Variants in SEMA3E observed in about 807,000 individuals in gnomAD.
SEMA3E encodes the protein semaphorin-3E.
In SEMA3E, 49 loss-of-function variants were observed where a neutral mutation model predicts 93.6. The observed-to-expected ratio is 0.52, with a 90% confidence interval of 0.42 to 0.66. SEMA3E has a LOEUF of 0.66. SEMA3E is among the 30% of genes least tolerant of loss of function. The pLI, the probability that SEMA3E is intolerant of heterozygous loss-of-function variation, is 0.00. For synonymous variants in SEMA3E, 363 were observed against 330.7 expected (o/e 1.10, Z -1.06); for missense variants, 906 against 964.8 (o/e 0.94, Z 0.81).
At chr7:83,618,779 T>G (rs1265804358) in intron 1 of SEMA3E, among the ~76,000 whole-genome samples, 3 of 151,882 alleles carry the variant, frequency 2.0e-5, no homozygotes, top group African/African-American at 7.2e-5. Context: ...ATAAATACAA[T>G]AAAATACAAT....
intron 1 of SEMA3E, among the ~76,000 whole-genome samples, chr7:83,550,610 A>G (rs1791746092): frequency 6.6e-6 from 1 of 152,138 alleles, no homozygotes. Context: ...CCATTTAAAG[A>G]GAATTTTTGT....
chr7:83,466,008 C>G (rs1789747170), intron 4 of SEMA3E, among the ~76,000 whole-genome samples: 1 of 152,138 alleles, frequency 6.6e-6, no homozygotes, highest in African/African-American at 2.4e-5. Context: ...AGTTTGAAAT[C>G]TTCCCTCCTC....
At chr7:83,644,488 A>G (rs900090311) in intron 1 of SEMA3E, among the ~76,000 whole-genome samples, 1 of 152,016 alleles carries the variant, frequency 6.6e-6, no homozygotes, top group African/African-American at 2.4e-5. Flanking sequence ...CTGCAAAAAC[A>G]TTAATAATAT....
intron 1 of SEMA3E, among the ~76,000 whole-genome samples, chr7:83,585,238 T>G (rs1792600626): frequency 6.6e-6 from 1 of 152,198 alleles, no homozygotes; most frequent in African/African-American, 2.4e-5. Flanking sequence ...CAAAGATTCC[T>G]TCACTTTTCT....
chr7:83,549,868 A>T (rs1020012766), intron 1 of SEMA3E, among the ~76,000 whole-genome samples: 2 of 152,072 alleles, frequency 1.3e-5, no homozygotes, highest in Non-Finnish European at 2.9e-5. Context: ...TGGCCGTAAC[A>T]GTTTCAGCTC....
chr7:83,569,918 A>G (rs1177679260), intron 1 of SEMA3E, among the ~76,000 whole-genome samples: 1 of 152,218 alleles, frequency 6.6e-6, no homozygotes, highest in African/African-American at 2.4e-5. Context: ...CACAGAGTAT[A>G]AATTATTCTC....
intron 4 of SEMA3E, among the ~76,000 whole-genome samples, chr7:83,430,235 C>T (rs553896128): frequency 2.4e-3 from 359 of 152,072 alleles, no homozygotes; most frequent in African/African-American, 7.7e-3. Flanking sequence ...GAAGCCGAGG[C>T]GGGTGGATCA....
chr7:83,491,875 A>G (rs1422029344), intron 1 of SEMA3E, among the ~76,000 whole-genome samples: 1 of 152,016 alleles, frequency 6.6e-6, no homozygotes. Context: ...TTTCCATTTA[A>G]TAAAAAGTAG....
intron 1 of SEMA3E, among the ~76,000 whole-genome samples, chr7:83,627,400 A>C (rs894429847): frequency 6.6e-6 from 1 of 152,110 alleles, no homozygotes; most frequent in African/African-American, 2.4e-5. Context: ...TATTAGGTGC[A>C]TATATATTTA....
At chr7:83,600,585 G>C (rs1002257687) in intron 1 of SEMA3E, among the ~76,000 whole-genome samples, 1 of 139,608 alleles carries the variant, frequency 7.2e-6, no homozygotes, top group African/African-American at 2.7e-5. Context: ...CTGACCTCGT[G>C]ATCCGCCCTC....
rs1261850147 is a variant in SEMA3E, at chr7:83,365,331, G to A, written c.*2255C>T. 1 of 152,082 alleles carries A rather than the reference G, an allele frequency of 6.6e-6. No individual in the cohort carries two copies. The highest frequency in any genetic ancestry group is 1.5e-5 in the Non-Finnish European group (1 of 68,018). The allele number at this position is 152,082 out of a possible 1,614,324, so 9.4% of individuals were successfully genotyped here. A position where few individuals can be genotyped will look rare whatever the true frequency, so the allele number is the denominator to read the frequency against. On this transcript the variant is annotated 3_prime_UTR_variant, in exon 17 of 17. Coordinates refer to ENST00000643230, the MANE Select transcript of SEMA3E (RefSeq NM_012431.3). Reference sequence around the variant, plus strand: ...ATTATATACATATATATGTACATATGTGTGTGTATAATTATATGTAAAATT... The same window carrying A: ...ATTATATACATATATATGTACATATATGTGTGTATAATTATATGTAAAATT...
intron 4 of SEMA3E, among the ~76,000 whole-genome samples, chr7:83,432,272 G>GTTT (rs61299855): frequency 4.7e-4 from 69 of 146,742 alleles, no homozygotes; most frequent in African/African-American, 1.6e-3. Context: ...GCATTTGAGG[G>GTTT]TTTTTTTTTT....
chr7:83,417,347 A>C (rs1254605552), intron 5 of SEMA3E, among the ~76,000 whole-genome samples: 1 of 152,142 alleles, frequency 6.6e-6, no homozygotes, highest in Non-Finnish European at 1.5e-5. Context: ...TTTAGGGAAC[A>C]CAGATTCTCA....
At chr7:83,517,338 A>T (rs1433767096) in intron 1 of SEMA3E, among the ~76,000 whole-genome samples, 3 of 152,196 alleles carry the variant, frequency 2.0e-5, no homozygotes, top group Non-Finnish European at 4.4e-5. Context: ...TGTCACTTGG[A>T]GAGATTTGTA....
intron 1 of SEMA3E, among the ~76,000 whole-genome samples, chr7:83,604,488 T>G (rs1043688570): frequency 8.7e-5 from 13 of 148,786 alleles, no homozygotes; most frequent in Admixed American, 4.8e-4. Flanking sequence ...AATGAAAAAT[T>G]TTGACACATT....
At chr7:83,603,023 C>G (rs41320544) in intron 1 of SEMA3E, among the ~76,000 whole-genome samples, 41,488 of 151,978 alleles carry the variant, frequency 0.27, 6,177 homozygotes, top group Middle Eastern at 0.38. Context: ...AAAACTTAAC[C>G]TATCAGAAAT....
chr7:83,579,604 T>C (rs914847217), intron 1 of SEMA3E, among the ~76,000 whole-genome samples: 1 of 152,098 alleles, frequency 6.6e-6, no homozygotes, highest in Non-Finnish European at 1.5e-5. Flanking sequence ...AAAGTAAATG[T>C]TATTAGCAAT....
intron 14 of SEMA3E, among the ~76,000 whole-genome samples, chr7:83,389,136 GA>G (rs1787942571): frequency 6.6e-6 from 1 of 151,762 alleles, no homozygotes; most frequent in Admixed American, 6.6e-5. Context: ...TAGAGCTTAT[GA>G]AAAAATAACA....
intron 13 of SEMA3E, among the ~76,000 whole-genome samples, chr7:83,393,207 C>T (rs1788052435): frequency 6.6e-6 from 1 of 152,002 alleles, no homozygotes; most frequent in Non-Finnish European, 1.5e-5. Flanking sequence ...TTGCATTACC[C>T]AACACTGTGG....
Sources: gnomAD v4.1 joint callset for allele counts (sites outside exome capture counted in the v4.1 genomes callset) on GRCh38, gnomAD v4.1.1 for gene constraint, MANE v1.5 for transcripts, NCBI Gene and HGNC (gene_info 2026-07-23, HGNC 2026-07-21) for gene names.